The following TMEM163 variants were observed in gnomAD, a reference collection of about 807,000 sequenced individuals.
The protein encoded by TMEM163 is transmembrane protein 163.
Under a neutral mutation model 29.3 loss-of-function variants are expected in TMEM163, and 17 were observed. That is an observed-to-expected ratio of 0.58 (90% confidence interval 0.40 to 0.87). The LOEUF is 0.87. Ranked by LOEUF, TMEM163 falls within the 40% of genes least tolerant of loss-of-function variation. The pLI is 0.00. For missense variants in TMEM163, 303 were observed against 381.5 expected (o/e 0.79, Z 1.71); for synonymous variants, 157 against 160.6 (o/e 0.98, Z 0.17).
At chr2:134,466,073 G>A (rs1233986840) in intron 6 of TMEM163, 41 bp downstream of exon 6, 2 of 1,465,390 alleles carry the variant, frequency 1.4e-6, no homozygotes, top group Non-Finnish European at 1.9e-6. Flanking sequence ...CCTCCACTGT[G>A]AGCCCAGCCC....
At chr2:134,573,016 A>ACC (rs1403854623) in intron 2 of TMEM163, among the ~76,000 whole-genome samples, 1 of 152,190 alleles carries the variant, frequency 6.6e-6, no homozygotes, top group African/African-American at 2.4e-5. Context: ...AAGCTGCTGG[A>ACC]CTGGCTACCG....
At chr2:134,517,542 C>T (rs1409415390) in intron 4 of TMEM163, among the ~76,000 whole-genome samples, 1 of 152,186 alleles carries the variant, frequency 6.6e-6, no homozygotes, top group Non-Finnish European at 1.5e-5. Flanking sequence ...AATTTTCACA[C>T]ACAGTTTTGT....
chr2:134,512,570 A>G (rs1169409841), intron 4 of TMEM163, among the ~76,000 whole-genome samples: 1 of 152,248 alleles, frequency 6.6e-6, no homozygotes, highest in Non-Finnish European at 1.5e-5. Flanking sequence ...AAGGAAGGCA[A>G]GTCCAAAGGC....
intron 2 of TMEM163, among the ~76,000 whole-genome samples, chr2:134,583,670 A>G (rs1389450454): frequency 1.3e-5 from 2 of 152,282 alleles, no homozygotes; most frequent in East Asian, 3.9e-4. Context: ...TAAAACCACT[A>G]ACAGATCTTT....
intron 1 of TMEM163, 29 bp downstream of exon 1, chr2:134,718,705 G>A (rs1559004047): frequency 1.8e-6 from 2 of 1,136,920 alleles, no homozygotes; most frequent in East Asian, 4.6e-5. Flanking sequence ...CACCCCGGTC[G>A]CCGGCCGGGT....
At chr2:134,709,457 A>G (rs1272884820) in intron 2 of TMEM163, among the ~76,000 whole-genome samples, 9 of 152,242 alleles carry the variant, frequency 5.9e-5, no homozygotes, top group African/African-American at 2.2e-4. Flanking sequence ...TACCAGACAT[A>G]TGAATGCCAA....
intron 5 of TMEM163, among the ~76,000 whole-genome samples, chr2:134,501,615 A>G (rs1417858488): frequency 6.6e-6 from 1 of 152,218 alleles, no homozygotes; most frequent in East Asian, 1.9e-4. Flanking sequence ...GTGCCCTCAT[A>G]TCTTACCTAA....
intron 6 of TMEM163, chr2:134,458,958 T>C (rs1686463951): frequency 6.6e-6 from 1 of 151,892 alleles, no homozygotes; most frequent in African/African-American, 2.4e-5. Flanking sequence ...CCAGCTTACA[T>C]GTGATACTTC....
At chr2:134,568,739 G>T (rs1676452814) in intron 2 of TMEM163, among the ~76,000 whole-genome samples, 1 of 151,796 alleles carries the variant, frequency 6.6e-6, no homozygotes, top group African/African-American at 2.4e-5. Flanking sequence ...AAGAAAGAAA[G>T]AAAAAAGAAT....
intron 2 of TMEM163, among the ~76,000 whole-genome samples, chr2:134,588,847 G>GC (rs540963181): frequency 3.2e-4 from 49 of 152,152 alleles, no homozygotes; most frequent in African/African-American, 1.2e-3. Context: ...CAAAACGTTG[G>GC]GGGGGGAAGA....
At chr2:134,600,253 G>A (rs1682197234) in intron 2 of TMEM163, among the ~76,000 whole-genome samples, 1 of 152,160 alleles carries the variant, frequency 6.6e-6, no homozygotes, top group Admixed American at 6.5e-5. Context: ...AGGTAATGAA[G>A]GTGAATGTGG....
chr2:134,462,769 G>A (rs1243662649), intron 6 of TMEM163, among the ~76,000 whole-genome samples: 1 of 152,222 alleles, frequency 6.6e-6, no homozygotes, highest in African/African-American at 2.4e-5. Flanking sequence ...CGTGTATCTG[G>A]AATATCTATG....
intron 2 of TMEM163, among the ~76,000 whole-genome samples, chr2:134,649,888 C>T (rs1472331000): frequency 1.3e-5 from 2 of 151,536 alleles, no homozygotes; most frequent in African/African-American, 4.9e-5. Context: ...GGCCTGTAGT[C>T]CCAGCTACTT....
In TMEM163 at chr2:134,713,303, G is replaced by T; in HGVS notation, c.219C>A (p.Ser73Arg). 1 of 1,614,070 alleles carries T rather than the reference G, an allele frequency of 6.2e-7. No homozygotes were observed. Among genetic ancestry groups the T allele is most frequent in the Non-Finnish European group, 8.5e-7 (1 of 1,180,006 alleles). ...GGGCTTCGTGAGGTTTCAGGCGGGT[G>T]CTGCTTTCTAGTAAGCCTGACAAAA... Reference protein sequence around the residue: ...GLEDRGLLESSTRLKPHEAQN... With the variant: ...GLEDRGLLESRTRLKPHEAQN... Residue 73 changes from serine to arginine, a missense_variant, in exon 2 of 8, where the codon AGC (serine) becomes AGA (arginine). Around this residue, in one of 2 missense-constraint regions of TMEM163, gnomAD observed 203 missense variants for 294.3 expected, o/e 0.69. Coordinates refer to ENST00000281924, the MANE Select transcript of TMEM163 (RefSeq NM_030923.5).
intron 4 of TMEM163, among the ~76,000 whole-genome samples, chr2:134,531,355 G>C (rs904563660): frequency 6.6e-6 from 1 of 152,218 alleles, no homozygotes; most frequent in Non-Finnish European, 1.5e-5. Flanking sequence ...CACTAAGCAA[G>C]CAATTCTGCA....
rs560968149 is a variant in TMEM163 at position 134,572,371 on chromosome 2, CACTTG to C, written c.323-20285_323-20281del. Among the ~76,000 whole-genome samples, 352 of 152,346 alleles carry C rather than the reference CACTTG, an allele frequency of 2.3e-3. 2 individuals are homozygous for C. Among genetic ancestry groups the C allele is most frequent in the African/African-American group, 8.0e-3 (334 of 41,586 alleles). On this transcript the variant is annotated intron_variant, in intron 2 of 7. Transcript: ENST00000281924. ...CCATGGCAACATTAATTACATCCCT[CACTTG>C]AAAGTTTCACTGATGGAATATAATT...
intron 1 of TMEM163, among the ~76,000 whole-genome samples, chr2:134,713,774 G>T (rs1033220201): frequency 6.6e-6 from 1 of 152,150 alleles, no homozygotes; most frequent in Non-Finnish European, 1.5e-5. Context: ...AGTCCCAACT[G>T]GTGGACTGGG....
intron 5 of TMEM163, among the ~76,000 whole-genome samples, chr2:134,471,129 G>A (rs539285469): frequency 6.6e-6 from 1 of 152,264 alleles, no homozygotes; most frequent in African/African-American, 2.4e-5. Context: ...CTATAATAGT[G>A]CCACTGCACT....
intron 2 of TMEM163, among the ~76,000 whole-genome samples, chr2:134,711,737 G>A (rs181174363): frequency 6.6e-6 from 1 of 152,288 alleles, no homozygotes; most frequent in Non-Finnish European, 1.5e-5. Flanking sequence ...AACATCCAAT[G>A]TAATATTACT....
Sources: allele counts gnomAD v4.1 joint callset (sites outside exome capture counted in the v4.1 genomes callset), GRCh38; gene constraint gnomAD v4.1.1; regional missense constraint gnomAD v4.1.1; transcripts MANE v1.5; gene names NCBI Gene and HGNC (gene_info 2026-07-23, HGNC 2026-07-21).